Variants in ZNF843 observed in about 807,000 individuals in gnomAD.
ZNF843 encodes zinc finger protein 843.
For synonymous variants in ZNF843, 185 were observed against 207.7 expected, an observed-to-expected ratio of 0.89 and a Z score of 0.94; for missense variants, 482 against 469.4, an observed-to-expected ratio of 1.03 and a Z score of -0.25.
chr16:31,436,863 G>T lies in ZNF843; in HGVS notation c.-14C>A, dbSNP rs1291252923. On this transcript the variant is annotated 5_prime_UTR_variant, in exon 2 of 2. Transcript: ENST00000315678. ...GAGGCTTCTCATGAGCAGGGCTTCG[G>T]AGATGACCGCTCAGGGAGTAACTGT... 2 of 1,514,254 alleles carry T rather than the reference G, an allele frequency of 1.3e-6. No homozygotes were observed. The highest frequency in any genetic ancestry group is 1.3e-5 in the South Asian group (1 of 77,916). The allele number at this position is 1,514,254 out of a possible 1,614,324, so 93.8% of individuals were successfully genotyped here.
At chr16:31,438,468 A>T (rs181822664) in intron 1 of ZNF843, among the ~76,000 whole-genome samples, 6 of 152,186 alleles carry the variant, frequency 3.9e-5, no homozygotes, top group Non-Finnish European at 7.4e-5. Flanking sequence ...TTTTAGGCCT[A>T]TTAGGCCTGT....
At chr16:31,438,712 T>G (rs1346168724) in intron 1 of ZNF843, among the ~76,000 whole-genome samples, 1 of 152,094 alleles carries the variant, frequency 6.6e-6, no homozygotes, top group African/African-American at 2.4e-5. Context: ...TCACTTCAAA[T>G]TTAATACCCC....
At position 31,435,750 on chromosome 16, in the gene ZNF843, C is replaced by G. The variant is rs1002221597; in HGVS notation, c.*53G>C. On this transcript the variant is annotated 3_prime_UTR_variant, in exon 2 of 2. Coordinates refer to ENST00000315678, the MANE Select transcript of ZNF843 (RefSeq NM_001136509.3). ...GGGAGGGGACTGCATCTCAGATCCA[C>G]AGTCCACCGGCGGCTGCAACAATTC... is the stretch of plus-strand genomic sequence containing the variant. The G allele has an allele frequency of 2.8e-6, 4 of 1,428,686 alleles. No homozygotes were observed. Among genetic ancestry groups the G allele is most frequent in the Non-Finnish European group, 3.7e-6 (4 of 1,086,970 alleles). The allele number at this position is 1,428,686 out of a possible 1,614,324, so 88.5% of individuals were successfully genotyped here. A position where few individuals can be genotyped will look rare whatever the true frequency, so the allele number is the denominator to read the frequency against.
At chr16:31,439,812 T>C (rs2082195386) in intron 1 of ZNF843, among the ~76,000 whole-genome samples, 1 of 152,240 alleles carries the variant, frequency 6.6e-6, no homozygotes, top group Non-Finnish European at 1.5e-5. Context: ...ATGATGGTTA[T>C]GCCCGTGTAC....
chr16:31,435,662 C>T lies in ZNF843; in HGVS notation c.*141G>A. On this transcript the variant is annotated 3_prime_UTR_variant, in exon 2 of 2. Coordinates refer to ENST00000315678, the MANE Select transcript of ZNF843 (RefSeq NM_001136509.3). ...AGGGGAAAAAAAACAAACAAAATAG[C>T]CCCCAGCACTTCTGAGAAAGATCTG... is the stretch of plus-strand genomic sequence containing the variant. 1 of 765,924 alleles carries T rather than the reference C, an allele frequency of 1.3e-6. No homozygotes were observed. Among genetic ancestry groups the T allele is most frequent in the Non-Finnish European group, 1.9e-6 (1 of 519,536 alleles). 47.4% of individuals were successfully genotyped at this position (765,924 alleles called of 1,614,324 possible).
At position 31,436,057 on chromosome 16, in the gene ZNF843, C is replaced by A; in HGVS notation, c.793G>T (p.Gly265Trp). The A allele has an allele frequency of 6.5e-7, 1 of 1,545,598 alleles. No individual in the cohort carries two copies. Among genetic ancestry groups the A allele is most frequent in the Non-Finnish European group, 8.7e-7 (1 of 1,144,386 alleles). ...GCACAGCTTCTGGGCCCCATCGCCC[C>A]CTCCTGCTGAGCTGCCGGCTGGGTG... Reference protein sequence around the residue: ...PATQPAAQQEGAMGPRSCASA... With the variant: ...PATQPAAQQEWAMGPRSCASA... Residue 265 changes from glycine (G) to tryptophan (W), a missense_variant, in exon 2 of 2, where the codon GGG becomes TGG. Transcript: ENST00000315678.
At chr16:31,441,941 T>G (rs559437907) in intron 1 of ZNF843, among the ~76,000 whole-genome samples, 1 of 152,232 alleles carries the variant, frequency 6.6e-6, no homozygotes, top group East Asian at 1.9e-4. Context: ...ACGGGGCGTG[T>G]GAAAAGATGG....
Position 31,436,628 on chromosome 16 carries a change from C to T in ZNF843, c.222G>A (p.Pro74=), listed in dbSNP as rs756358517. ...LSPVRQDLLW[P]LQPHQAPASP... The stretch of plus-strand genomic sequence containing the variant: ...TCGCTGGTGCTTGATGAGGTTGGAG[C>T]GGCCACAGCAGGTCTTGCCGCACTG... The change falls in exon 2 of 2, where the codon CCG becomes CCA. Residue 74 remains proline, a synonymous_variant. Coordinates refer to ENST00000315678, the MANE Select transcript of ZNF843 (RefSeq NM_001136509.3). The T allele has an allele frequency of 6.4e-6, 10 of 1,551,534 alleles. No individual in the cohort carries two copies. In the South Asian group the frequency reaches 9.5e-5, roughly 15 times the overall value.
At chr16:31,442,252 C>T (rs950447041) in intron 1 of ZNF843, among the ~76,000 whole-genome samples, 1 of 152,232 alleles carries the variant, frequency 6.6e-6, no homozygotes, top group African/African-American at 2.4e-5. Flanking sequence ...TCGGCGGAGG[C>T]GCGTGTTCAG....
In ZNF843 at chr16:31,436,711, A is replaced by T; in HGVS notation, c.139T>A (p.Ser47Thr). 2 of 1,551,644 alleles carry T rather than the reference A, an allele frequency of 1.3e-6. No individual in the cohort carries two copies. The highest frequency in any genetic ancestry group is 1.7e-6 in the Non-Finnish European group (2 of 1,147,018). ...ACGRGFTQSA[S>T]LLQHWRVHSD... ...TGGACCCGCCAGTGCTGGAGGAGGGATGCGCTCTGAGTAAAACCCCTCCCG... is the reference window on the plus strand; with the variant it reads ...TGGACCCGCCAGTGCTGGAGGAGGGTTGCGCTCTGAGTAAAACCCCTCCCG... The change falls in exon 2 of 2, where the codon TCC (serine) becomes ACC (threonine). Residue 47 changes from serine (S) to threonine (T), a missense_variant. Coordinates refer to ENST00000315678, the MANE Select transcript of ZNF843 (RefSeq NM_001136509.3).
At chr16:31,439,636 CATACT>C (rs1374004975) in intron 1 of ZNF843, among the ~76,000 whole-genome samples, 1 of 152,198 alleles carries the variant, frequency 6.6e-6, no homozygotes, top group Non-Finnish European at 1.5e-5. Context: ...CAAGAGAATA[CATACT>C]ATATGATTCA....
intron 1 of ZNF843, among the ~76,000 whole-genome samples, chr16:31,438,424 G>A (rs1406785500): frequency 5.3e-5 from 8 of 152,178 alleles, no homozygotes; most frequent in Non-Finnish European, 1.2e-4. Flanking sequence ...AAGTATTCCA[G>A]TGGCTCATAT....
chr16:31,440,200 G>A (rs1417998607), intron 1 of ZNF843, among the ~76,000 whole-genome samples: 1 of 152,080 alleles, frequency 6.6e-6, no homozygotes, highest in African/African-American at 2.4e-5. Context: ...AAAATTTTTG[G>A]CTCCAGGGAG....
chr16:31,436,396 C>T lies in ZNF843; in HGVS notation c.454G>A (p.Asp152Asn). The T allele has an allele frequency of 6.4e-7, 1 of 1,550,462 alleles. No homozygotes were observed. The highest frequency in any genetic ancestry group is 8.7e-7 in the Non-Finnish European group (1 of 1,146,222). ...AGGGAGGTCTTCTCATTGACACTGT[C>T]ACCGCAGCTGCAGCAGCAGAAGGGA... is the stretch of plus-strand genomic sequence containing the variant. ...VCPFCCCSCG[D>N]SVNEKTSLSQ... The change falls in exon 2 of 2, where the codon GAC becomes AAC. Residue 152 changes from aspartate (D) to asparagine (N), a missense_variant. Transcript: ENST00000315678.
Position 31,435,969 on chromosome 16 carries a change from T to A in ZNF843, c.881A>T (p.Lys294Met). ...TCCGGCCGCTCTGTGCTGCGAGGCC[T>A]TCCGGGCTGGCTCAGGGTAGCCTGG... is the stretch of plus-strand genomic sequence containing the variant. Reference protein sequence around the residue: ...QAPGYPEPARKASQHRAAGPL... With the variant: ...QAPGYPEPARMASQHRAAGPL... Residue 294 changes from lysine (K) to methionine (M), a missense_variant, in exon 2 of 2, where the codon AAG becomes ATG. By Grantham distance (95) the Lys-to-Met change is moderately conservative (BLOSUM62 -1). Coordinates refer to ENST00000315678, the MANE Select transcript of ZNF843 (RefSeq NM_001136509.3). 6.5e-7 allele frequency: 1 copy of A among 1,527,914 alleles called. No individual in the cohort carries two copies. 94.6% of individuals were successfully genotyped at this position (1,527,914 alleles called of 1,614,324 possible). A position where few individuals can be genotyped will look rare whatever the true frequency, so the allele number is the denominator to read the frequency against.
rs771908114 is a variant in ZNF843 at position 31,436,716 on chromosome 16, C to G, written c.134G>C (p.Ser45Thr). Reference protein sequence around the residue: ...CKACGRGFTQSASLLQHWRVH... With the variant: ...CKACGRGFTQTASLLQHWRVH... ...CCGCCAGTGCTGGAGGAGGGATGCG[C>G]TCTGAGTAAAACCCCTCCCGCAGGC... Residue 45 changes from serine to threonine, a missense_variant, in exon 2 of 2, where the codon AGC (serine) becomes ACC (threonine). Transcript: ENST00000315678. The G allele has an allele frequency of 6.4e-7, 1 of 1,551,708 alleles. No individual in the cohort carries two copies. The highest frequency in any genetic ancestry group is 1.2e-5 in the South Asian group (1 of 84,068).
rs1228905965 is a variant in ZNF843, at chr16:31,437,663, C to T, written c.-335-479G>A. Reference sequence around the variant, plus strand: ...TGAGAGGGAGTCTTGCTCTGTCACCCAGGCTGGAGTGCAGTGGTGCTAGCT... The same window carrying T: ...TGAGAGGGAGTCTTGCTCTGTCACCTAGGCTGGAGTGCAGTGGTGCTAGCT... On this transcript the variant is annotated intron_variant, in intron 1 of 1. Coordinates refer to ENST00000315678, the MANE Select transcript of ZNF843 (RefSeq NM_001136509.3). Among the ~76,000 whole-genome samples, 4 of 148,416 alleles carry T rather than the reference C, an allele frequency of 2.7e-5. No homozygotes were observed. In the Admixed American group the frequency reaches 2.7e-4, roughly 10 times the overall value.
At chr16:31,438,466 C>G (rs893162191) in intron 1 of ZNF843, among the ~76,000 whole-genome samples, 2 of 152,044 alleles carry the variant, frequency 1.3e-5, no homozygotes, top group African/African-American at 4.8e-5. Flanking sequence ...ATTTTTAGGC[C>G]TATTAGGCCT....
intron 1 of ZNF843, among the ~76,000 whole-genome samples, chr16:31,438,956 A>G (rs1037623908): frequency 7.3e-6 from 1 of 137,610 alleles, no homozygotes; most frequent in African/African-American, 2.7e-5. Context: ...AACAATGAGA[A>G]CACATGGACA....
Sources: allele counts gnomAD v4.1 joint callset (sites outside exome capture counted in the v4.1 genomes callset), GRCh38; gene constraint gnomAD v4.1.1; transcripts MANE v1.5; gene names NCBI Gene and HGNC (gene_info 2026-07-23, HGNC 2026-07-21).